The following MYRIP variants were observed in gnomAD, a reference collection of about 807,000 sequenced individuals.
MYRIP encodes the protein myosin VIIA and Rab interacting protein.
In MYRIP, 49 loss-of-function variants were observed where a neutral mutation model predicts 98.0. The observed-to-expected ratio is 0.50, with a 90% confidence interval of 0.40 to 0.63. MYRIP has a LOEUF of 0.63. Among genes scored for constraint, MYRIP ranks in the 30% least tolerant of loss-of-function variants. MYRIP has a pLI of 0.00. For missense variants in MYRIP, 1,004 were observed against 1,058.2 expected (o/e 0.95, Z 0.71); for synonymous variants, 404 against 409.5 (o/e 0.99, Z 0.16).
chr3:39,890,605 T>C (rs999374702), intron 1 of MYRIP, among the ~76,000 whole-genome samples: 11 of 151,650 alleles, frequency 7.3e-5, no homozygotes, highest in African/African-American at 2.2e-4. Flanking sequence ...GGAAAGTTCA[T>C]AGGGGTAGGG....
intron 2 of MYRIP, among the ~76,000 whole-genome samples, chr3:39,978,949 T>G (rs909133501): frequency 6.6e-6 from 1 of 152,160 alleles, no homozygotes; most frequent in Non-Finnish European, 1.5e-5. Context: ...TTACCTCCAC[T>G]TTTGAAAAAT....
intron 1 of MYRIP, among the ~76,000 whole-genome samples, chr3:39,882,904 C>G (rs1943189997): frequency 6.6e-6 from 1 of 151,722 alleles, no homozygotes; most frequent in Non-Finnish European, 1.5e-5. Context: ...CTGTTAATGG[C>G]AGATCAGACA....
At chr3:40,164,257 C>T (rs527422407) in intron 5 of MYRIP, among the ~76,000 whole-genome samples, 9 of 152,272 alleles carry the variant, frequency 5.9e-5, no homozygotes, top group East Asian at 1.9e-4. Context: ...CAAAACTCTC[C>T]GGATTAGTGT....
intron 1 of MYRIP, among the ~76,000 whole-genome samples, chr3:39,877,375 T>C (rs951035450): frequency 6.6e-6 from 1 of 152,164 alleles, no homozygotes; most frequent in African/African-American, 2.4e-5. Context: ...CTTTGTTCCA[T>C]TGCTGGTGAG....
chr3:40,098,776 G>GTA (rs1377869042), intron 3 of MYRIP, among the ~76,000 whole-genome samples: 1 of 150,332 alleles, frequency 6.7e-6, no homozygotes, highest in African/African-American at 2.5e-5. Context: ...GTGTGTGTGT[G>GTA]TGTCTTCTTA....
chr3:40,049,005 C>G (rs1412502347), intron 3 of MYRIP, among the ~76,000 whole-genome samples: 1 of 152,088 alleles, frequency 6.6e-6, no homozygotes, highest in African/African-American at 2.4e-5. Context: ...TTAAGGTCTT[C>G]TTCAGGAAGC....
chr3:40,127,239 C>T lies in MYRIP; in HGVS notation c.333-23809C>T, dbSNP rs76099145. Among the ~76,000 whole-genome samples, 15 of 152,262 alleles carry T rather than the reference C, an allele frequency of 9.9e-5. No individual in the cohort carries two copies. In the East Asian group the frequency reaches 1.7e-3, roughly 18 times the overall value. On this transcript the variant is annotated intron_variant, in intron 3 of 16. Coordinates refer to ENST00000302541, the MANE Select transcript of MYRIP (RefSeq NM_015460.4). The stretch of plus-strand genomic sequence containing the variant: ...AACTATATTCAGGTTCTATAGTAGA[C>T]GCTTAAGCATGTTAGATCAATGATG...
intron 2 of MYRIP, among the ~76,000 whole-genome samples, chr3:39,967,784 C>T (rs1559541034): frequency 6.6e-6 from 1 of 152,112 alleles, no homozygotes; most frequent in Non-Finnish European, 1.5e-5. Context: ...TTCTGATAGG[C>T]ATGAGATGGT....
intron 2 of MYRIP, among the ~76,000 whole-genome samples, chr3:40,026,465 C>T (rs1262975696): frequency 1.3e-5 from 2 of 152,104 alleles, no homozygotes; most frequent in East Asian, 3.9e-4. Flanking sequence ...ATCACAGGGT[C>T]CTGAGGTGAC....
At position 39,976,778 on chromosome 3, in the gene MYRIP, T is replaced by C. The variant is rs571494229; in HGVS notation, c.111-67272T>C. On this transcript the variant is annotated intron_variant, in intron 2 of 16. Transcript: ENST00000302541. ...GGATGAAGCTGGAAACCATCATTCT[T>C]AGCAAACTATCACAAGGACAAAAAA... Among the ~76,000 whole-genome samples the C allele has an allele frequency of 7.6e-4, 116 of 152,210 alleles. 1 individual carries two copies. Among genetic ancestry groups the C allele is most frequent in the African/African-American group, 2.7e-3 (113 of 41,524 alleles).
chr3:40,038,747 C>T (rs1947440140), intron 2 of MYRIP, among the ~76,000 whole-genome samples: 1 of 151,980 alleles, frequency 6.6e-6, no homozygotes, highest in Non-Finnish European at 1.5e-5. Flanking sequence ...AACAAAGGGG[C>T]AGGGGAGAGA....
chr3:39,870,224 T>A (rs182708909), intron 1 of MYRIP, among the ~76,000 whole-genome samples: 3 of 152,312 alleles, frequency 2.0e-5, no homozygotes, highest in Admixed American at 2.0e-4. Context: ...ATGACGGTAC[T>A]TCTAGACATC....
rs1056975840 is a variant in MYRIP at position 39,966,751 on chromosome 3, C to T, written c.110+65825C>T. Among the ~76,000 whole-genome samples the T allele has an allele frequency of 5.3e-5, 8 of 152,088 alleles. No individual in the cohort carries two copies. In the East Asian group the frequency reaches 5.8e-4, roughly 11 times the overall value. ...AGCAATGTAATTAGTCCTCTGGAGA[C>T]GGAACCAAGGGGGAAGAAATACGGT... On this transcript the variant is annotated intron_variant, in intron 2 of 16. Transcript: ENST00000302541.
At chr3:40,235,401 A>G (rs574792629) in intron 12 of MYRIP, among the ~76,000 whole-genome samples, 5 of 152,370 alleles carry the variant, frequency 3.3e-5, no homozygotes, top group East Asian at 3.9e-4. Context: ...TAGTATTTGA[A>G]AGGCATGTCA....
At chr3:40,053,136 C>T (rs918673115) in intron 3 of MYRIP, among the ~76,000 whole-genome samples, 3 of 152,130 alleles carry the variant, frequency 2.0e-5, no homozygotes, top group Non-Finnish European at 4.4e-5. Context: ...TTCTCTCTTC[C>T]CCATTCCAAA....
chr3:40,018,387 C>A (rs1559562582), intron 2 of MYRIP, among the ~76,000 whole-genome samples: 1 of 152,198 alleles, frequency 6.6e-6, no homozygotes, highest in Non-Finnish European at 1.5e-5. Flanking sequence ...TTTCCTGTCT[C>A]CCGCTAAACA....
chr3:39,884,812 T>C (rs1028811332), intron 1 of MYRIP, among the ~76,000 whole-genome samples: 2 of 149,832 alleles, frequency 1.3e-5, no homozygotes, highest in African/African-American at 4.9e-5. Context: ...CATTATTATT[T>C]TTTTTTTTTG....
At chr3:39,925,083 G>T (rs568742245) in intron 2 of MYRIP, among the ~76,000 whole-genome samples, 1 of 151,254 alleles carries the variant, frequency 6.6e-6, no homozygotes, top group East Asian at 2.0e-4. Flanking sequence ...AAAGCAAGCA[G>T]AAGGAAGGAA....
intron 2 of MYRIP, among the ~76,000 whole-genome samples, chr3:39,998,050 A>G (rs1250396796): frequency 1.3e-5 from 2 of 152,204 alleles, no homozygotes; most frequent in African/African-American, 4.8e-5. Context: ...AATAAGAGCT[A>G]TCTATGACAA....
Sources: allele counts gnomAD v4.1 joint callset (sites outside exome capture counted in the v4.1 genomes callset), GRCh38; gene constraint gnomAD v4.1.1; transcripts MANE v1.5; gene names NCBI Gene and HGNC (gene_info 2026-07-23, HGNC 2026-07-21).